The following MAP2K1 variants were observed in gnomAD, a reference collection of about 807,000 sequenced individuals.
The protein encoded by MAP2K1 is mitogen-activated protein kinase kinase 1, also known as dual specificity mitogen-activated protein kinase kinase 1.
MAP2K1 carries 16 observed loss-of-function variants against 46.3 expected under a neutral mutation model. That is an observed-to-expected ratio of 0.35 (90% CI 0.23 to 0.52). The LOEUF (loss-of-function observed/expected upper bound fraction) is 0.52. MAP2K1 is among the 20% of genes least tolerant of loss of function. The probability of loss-of-function intolerance (pLI) is 0.94; values close to 1 mark genes in which losing one functional copy is unlikely to be tolerated. For missense variants in MAP2K1, 263 were observed against 497.1 expected, an observed-to-expected ratio of 0.53 and a Z score of 4.48; for synonymous variants, 183 against 185.6, an observed-to-expected ratio of 0.99 and a Z score of 0.11.
At chr15:66,403,816 T>C (rs959614551) in intron 1 of MAP2K1, among the ~76,000 whole-genome samples, 6 of 152,170 alleles carry the variant, frequency 3.9e-5, no homozygotes, top group African/African-American at 1.4e-4. Flanking sequence ...CTCAGTCCAT[T>C]TGAGAGTAGA....
At chr15:66,430,180 CTT>C (rs2093471741) in intron 1 of MAP2K1, among the ~76,000 whole-genome samples, 1 of 152,166 alleles carries the variant, frequency 6.6e-6, no homozygotes, top group Non-Finnish European at 1.5e-5. Context: ...GGGTCTGTCT[CTT>C]TTGCCTCTCC....
chr15:66,421,179 A>C (rs1002884923), intron 1 of MAP2K1, among the ~76,000 whole-genome samples: 2 of 151,610 alleles, frequency 1.3e-5, no homozygotes, highest in African/African-American at 2.4e-5. Context: ...TTTATCACCT[A>C]GACTGGAGTG....
At chr15:66,483,058 G>C (rs190716537) in intron 6 of MAP2K1, among the ~76,000 whole-genome samples, 10 of 152,336 alleles carry the variant, frequency 6.6e-5, no homozygotes, top group African/African-American at 2.2e-4. Flanking sequence ...AGGAAGTCTA[G>C]ATTCAGGGAG....
intron 5 of MAP2K1, among the ~76,000 whole-genome samples, chr15:66,481,100 G>T (rs528038286): frequency 3.4e-4 from 51 of 152,232 alleles, no homozygotes; most frequent in African/African-American, 1.2e-3. Flanking sequence ...CAGCTTTAAG[G>T]CCTCTCACAT....
Position 66,485,193 on chromosome 15 carries a change from T to A in MAP2K1, c.895+2T>A. The A allele has an allele frequency of 6.2e-7, 1 of 1,613,156 alleles. No individual in the cohort carries two copies. The highest frequency in any genetic ancestry group is 8.5e-7 in the Non-Finnish European group (1 of 1,179,712). ...GGACCCCCGGGAGGCCCCTTAGCTG[T>A]GAGTAGCCTGGTGTGTCCCCATCTT... On this transcript the variant is annotated splice_donor_variant, in intron 7 of 10. Transcript: ENST00000307102. LOFTEE classifies it high-confidence loss of function.
chr15:66,431,322 C>T (rs1018444487), intron 1 of MAP2K1, among the ~76,000 whole-genome samples: 6 of 152,310 alleles, frequency 3.9e-5, no homozygotes, highest in African/African-American at 1.4e-4. Context: ...TGTTGAACTT[C>T]AACTCCCTCT....
intron 1 of MAP2K1, among the ~76,000 whole-genome samples, chr15:66,396,386 C>T (rs1026968377): frequency 3.3e-5 from 5 of 152,092 alleles, no homozygotes; most frequent in South Asian, 4.1e-4. Context: ...TTTCCTGCCT[C>T]GGCCTCCCAA....
At chr15:66,433,356 C>G (rs949786885) in intron 1 of MAP2K1, among the ~76,000 whole-genome samples, 2 of 152,184 alleles carry the variant, frequency 1.3e-5, no homozygotes, top group Admixed American at 6.5e-5. Flanking sequence ...TCCCACTGTT[C>G]TGGAGGCTGA....
chr15:66,440,942 A>G (rs936784586), intron 3 of MAP2K1, among the ~76,000 whole-genome samples: 2 of 152,076 alleles, frequency 1.3e-5, no homozygotes, highest in East Asian at 1.9e-4. Flanking sequence ...AAGAGAGCCA[A>G]TGTTTCCTTT....
intron 1 of MAP2K1, among the ~76,000 whole-genome samples, chr15:66,405,995 C>T (rs1291434274): frequency 1.3e-5 from 2 of 152,198 alleles, no homozygotes; most frequent in Non-Finnish European, 1.5e-5. Context: ...TATTATTTGC[C>T]ATTGATTCAA....
intron 5 of MAP2K1, among the ~76,000 whole-genome samples, chr15:66,477,744 G>A (rs1892789471): frequency 1.3e-5 from 2 of 152,202 alleles, no homozygotes; most frequent in Admixed American, 1.3e-4. Context: ...GCCTGGTGCC[G>A]TGTGGCCTGG....
At chr15:66,484,930 T>G in intron 6 of MAP2K1, 60 bp from the exon 7 acceptor site, 14 of 1,366,328 alleles carry the variant, frequency 1.0e-5, no homozygotes, top group Non-Finnish European at 1.5e-5. Context: ...AGAAAATGCA[T>G]TAGCAGACCC....
At chr15:66,410,280 G>T (rs1240462485) in intron 1 of MAP2K1, among the ~76,000 whole-genome samples, 2 of 152,202 alleles carry the variant, frequency 1.3e-5, no homozygotes, top group African/African-American at 4.8e-5. Flanking sequence ...CTAATTTCCT[G>T]TTAACCCTTA....
intron 1 of MAP2K1, among the ~76,000 whole-genome samples, chr15:66,387,929 C>T (rs960144018): frequency 3.3e-5 from 5 of 152,208 alleles, no homozygotes; most frequent in African/African-American, 4.8e-5. Flanking sequence ...ACTGCCTGGC[C>T]AGCGGGGGCG....
At chr15:66,402,122 G>T (rs1439206590) in intron 1 of MAP2K1, among the ~76,000 whole-genome samples, 1 of 152,092 alleles carries the variant, frequency 6.6e-6, no homozygotes, top group East Asian at 1.9e-4. Context: ...AATGTATTAA[G>T]AAAAAATATT....
At chr15:66,400,392 C>A (rs1350614303) in intron 1 of MAP2K1, among the ~76,000 whole-genome samples, 2 of 152,164 alleles carry the variant, frequency 1.3e-5, no homozygotes, top group African/African-American at 2.4e-5. Flanking sequence ...GGATATTCCA[C>A]CACATCCCCC....
At chr15:66,427,043 C>T (rs1324941144) in intron 1 of MAP2K1, among the ~76,000 whole-genome samples, 1 of 152,052 alleles carries the variant, frequency 6.6e-6, no homozygotes, top group East Asian at 1.9e-4. Context: ...TTTTGTCTTC[C>T]CAGGTCTTTG....
chr15:66,482,881 G>C (rs1178389325), intron 6 of MAP2K1, among the ~76,000 whole-genome samples: 1 of 152,156 alleles, frequency 6.6e-6, no homozygotes, highest in African/African-American at 2.4e-5. Context: ...GTGGCGGGGA[G>C]TGCAGGCCCG....
intron 1 of MAP2K1, among the ~76,000 whole-genome samples, chr15:66,416,881 C>A (rs2093425855): frequency 6.6e-6 from 1 of 152,176 alleles, no homozygotes; most frequent in Non-Finnish European, 1.5e-5. Flanking sequence ...CATGGTACCT[C>A]CTTTCCTTCT....
Sources: gnomAD v4.1 joint callset for allele counts (sites outside exome capture counted in the v4.1 genomes callset) on GRCh38, gnomAD v4.1.1 for gene constraint, MANE v1.5 for transcripts, NCBI Gene and HGNC (gene_info 2026-07-23, HGNC 2026-07-21) for gene names.